Variants in FBXO41 observed in about 807,000 individuals in gnomAD.
The protein encoded by FBXO41 is F-box protein 41.
In FBXO41, 33 loss-of-function variants were observed where a neutral mutation model predicts 81.6. The ratio of observed to expected loss-of-function variants is 0.40; its 90% CI spans 0.31 to 0.54. FBXO41 has a LOEUF of 0.54. Among genes scored for constraint, FBXO41 ranks in the 20% least tolerant of loss-of-function variants. The probability of loss-of-function intolerance (pLI) is 0.39; values close to 1 mark genes in which losing one functional copy is unlikely to be tolerated. For synonymous variants in FBXO41, 576 were observed against 552.7 expected (o/e 1.04, Z -0.59); for missense variants, 1,107 against 1,236.0 (o/e 0.90, Z 1.56).
At position 73,269,412 on chromosome 2, in the gene FBXO41, C is replaced by A; in HGVS notation, c.219G>T (p.Leu73=). ...GFPLAPEPAA[L]LAVPGARREV... ...CTCGCCGGGCGCCGGGCACGGCCAG[C>A]AGGGCGGCGGGCTCGGGAGCCAGCG... Residue 73 remains leucine, a synonymous_variant, in exon 2 of 13, where the codon CTG becomes CTT. Transcript: ENST00000520530. This position sits in a 1 kb window ranked among gnomAD's most constrained non-coding sequence, Gnocchi z 7.0. The A allele has an allele frequency of 7.0e-7, 1 of 1,435,182 alleles. No homozygotes were observed. Among genetic ancestry groups the A allele is most frequent in the South Asian group, 1.4e-5 (1 of 71,382 alleles). 88.9% of individuals were successfully genotyped at this position (1,435,182 alleles called of 1,614,324 possible).
At position 73,266,004 on chromosome 2, in the gene FBXO41, G is replaced by A. The variant is rs139257584; in HGVS notation, c.1132-38C>T. 6.4e-5 allele frequency: 99 copies of A among 1,539,836 alleles called. No individual in the cohort carries two copies. The highest frequency in any genetic ancestry group is 3.0e-4 in the South Asian group (25 of 83,838). On this transcript the variant is annotated intron_variant, in intron 3 of 12. Coordinates refer to ENST00000520530, the MANE Select transcript of FBXO41 (RefSeq NM_001371389.2). The surrounding 1 kb of genome is among the most constrained non-coding windows in gnomAD (Gnocchi z 5.3). ...AGAGCAGGAGGTAAAGGAGAGGGGC[G>A]GAGGAGGCAAGAGGATGAGCAGGAA...
chr2:73,264,151 T>A lies in FBXO41; in HGVS notation c.1807-98A>T, dbSNP rs955585469. 1.1e-5 allele frequency: 17 copies of A among 1,555,840 alleles called. No homozygotes were observed. The African/African-American group carries it at 2.2e-4, about 20-fold the overall frequency. On this transcript the variant is annotated intron_variant, in intron 6 of 12. Coordinates refer to ENST00000520530, the MANE Select transcript of FBXO41 (RefSeq NM_001371389.2). Reference sequence around the variant, plus strand: ...GGATAGAAGGCCCCATGAGAGCATTTCAGGGAAGCCAGGTTGGCATTACAG... The same window carrying A: ...GGATAGAAGGCCCCATGAGAGCATTACAGGGAAGCCAGGTTGGCATTACAG...
rs148018926 is a variant in FBXO41, at chr2:73,260,507, G to A, written c.2331C>T (p.His777=). 639 of 1,601,262 alleles carry A rather than the reference G, an allele frequency of 4.0e-4. 4 individuals are homozygous for A. In the African/African-American group the frequency reaches 6.5e-3, roughly 16 times the overall value. ...CMRLQVLELD[H]VSEITQEVAA... ...CCACCTCCTGGGTGATCTCTGACAC[G>A]TGGTCAAGCTCCAGGACCTGCAGCC... Residue 777 remains histidine (H), a synonymous_variant, in exon 11 of 13, where the codon CAC becomes CAT. Transcript: ENST00000520530. This position sits in a 1 kb window ranked among gnomAD's most constrained non-coding sequence, Gnocchi z 5.0.
rs1688417939 is a variant in FBXO41, at chr2:73,269,511, G to C, written c.120C>G (p.Ile40Met). 1 of 1,367,392 alleles carries C rather than the reference G, an allele frequency of 7.3e-7. No homozygotes were observed. The allele number at this position is 1,367,392 out of a possible 1,614,324, so 84.7% of individuals were successfully genotyped here. The change falls in exon 2 of 13, where the codon ATC becomes ATG. Residue 40 changes from isoleucine (I) to methionine (M), a missense_variant. Ile to Met is a conservative substitution (Grantham distance 10). Transcript: ENST00000520530. This position sits in a 1 kb window ranked among gnomAD's most constrained non-coding sequence, Gnocchi z 7.0. The stretch of plus-strand genomic sequence containing the variant: ...CGCAGATGCTGTTGGTCTTGGAGAG[G>C]ATGTAGAGCGTCTCGTAGGTGTGGC... ...EYSHTYETLY[I>M]LSKTNSICDG...
rs534616895 is a variant in FBXO41 at position 73,282,625 on chromosome 2, C to A, written c.-139+1535G>T. Among the ~76,000 whole-genome samples, 13 of 152,232 alleles carry A rather than the reference C, an allele frequency of 8.5e-5. No homozygotes were observed. The South Asian group carries it at 2.7e-3, about 32-fold the overall frequency. ...GACTGAGGTGGGAGGATTGCTTGGG[C>A]CCGGAAGGTCAAGGCTGCAGTGAGC... On this transcript the variant is annotated intron_variant, in intron 1 of 12. Transcript: ENST00000520530.
Position 73,265,541 on chromosome 2 carries a change from A to T in FBXO41, c.1305T>A (p.Ser435Arg). ...PRPEEGAPED[S>R]GPGGLGTRAQ... ...CCCGTGTGCCCAAGCCCCCAGGGCC[A>T]CTGTCCTCAGGGGCCCCCTCCTCTG... The change falls in exon 5 of 13, where the codon AGT becomes AGA. Residue 435 changes from serine to arginine, a missense_variant. Physicochemically the swap from Ser to Arg is moderately radical, Grantham distance 110 (BLOSUM62 -1). Transcript: ENST00000520530. 6.3e-7 allele frequency: 1 copy of T among 1,594,820 alleles called. No individual in the cohort carries two copies. The highest frequency in any genetic ancestry group is 8.5e-7 in the Non-Finnish European group (1 of 1,171,678).
Position 73,269,103 on chromosome 2 carries a change from G to T in FBXO41, c.528C>A (p.Gly176=), listed in dbSNP as rs1186871752. The T allele has an allele frequency of 6.6e-7, 1 of 1,508,188 alleles. No homozygotes were observed. The highest frequency in any genetic ancestry group is 2.2e-5 in the Admixed American group (1 of 46,284). 93.4% of individuals were successfully genotyped at this position (1,508,188 alleles called of 1,614,324 possible). ...AGGCAGGCCCGGGGCAAGGGCCGGG[G>T]CCGGGGCCAGGCGGCGGCGTCGAGC... ...SACSTPPPGP[G]PGPCPGPASA... Residue 176 remains glycine (G), a synonymous_variant, in exon 2 of 13, where the codon GGC becomes GGA. Coordinates refer to ENST00000520530, the MANE Select transcript of FBXO41 (RefSeq NM_001371389.2). The surrounding 1 kb of genome is among the most constrained non-coding windows in gnomAD (Gnocchi z 7.0).
chr2:73,262,001 T>C (rs1688037054), intron 9 of FBXO41, among the ~76,000 whole-genome samples: 1 of 152,174 alleles, frequency 6.6e-6, no homozygotes, highest in South Asian at 2.1e-4. Flanking sequence ...GGCGGGCAGA[T>C]CACCTGAGGT....
chr2:73,264,616 A>G, intron 5 of FBXO41, 97 bp from the exon 6 acceptor site: 2 of 1,536,698 alleles, frequency 1.3e-6, no homozygotes, highest in South Asian at 1.2e-5. Context: ...CTGCAGAGGA[A>G]TGGACATGCT....
chr2:73,256,725 G>A lies in FBXO41; in HGVS notation c.*2257C>T, dbSNP rs542910529. 1 of 152,458 alleles carries A rather than the reference G, an allele frequency of 6.6e-6. No homozygotes were observed. Among genetic ancestry groups the A allele is most frequent in the Admixed American group, 6.5e-5 (1 of 15,300 alleles). The allele number at this position is 152,458 out of a possible 1,614,324, so 9.4% of individuals were successfully genotyped here. ...AGTACTGTTGCACTAATGAATGAAT[G>A]AGTGAGTGAAACTACAACTAGCATC... On this transcript the variant is annotated 3_prime_UTR_variant, in exon 13 of 13. Coordinates refer to ENST00000520530, the MANE Select transcript of FBXO41 (RefSeq NM_001371389.2).
Position 73,258,730 on chromosome 2 carries a change from T to C in FBXO41, c.*252A>G. 2 of 468,006 alleles carry C rather than the reference T, an allele frequency of 4.3e-6. No individual in the cohort carries two copies. Among genetic ancestry groups the C allele is most frequent in the South Asian group, 1.1e-4 (2 of 18,784 alleles). The allele number at this position is 468,006 out of a possible 1,614,324, so 29.0% of individuals were successfully genotyped here. ...GCTCCTCACTGGCTGTGCCAGAGGC[T>C]ACTCCAGCCGGGGTAGGGTGGGGGT... On this transcript the variant is annotated 3_prime_UTR_variant, in exon 13 of 13. Transcript: ENST00000520530.
intron 1 of FBXO41, among the ~76,000 whole-genome samples, chr2:73,277,020 C>A (rs1311443825): frequency 6.6e-6 from 1 of 152,196 alleles, no homozygotes; most frequent in African/African-American, 2.4e-5. Context: ...AAGTAGCCAG[C>A]CTTCTCCCCA....
chr2:73,260,837 A>G lies in FBXO41; in HGVS notation c.2193T>C (p.Ser731=). 6.4e-7 allele frequency: 1 copy of G among 1,567,334 alleles called. No individual in the cohort carries two copies. The highest frequency in any genetic ancestry group is 8.7e-7 in the Non-Finnish European group (1 of 1,154,934). Residue 731 remains serine (S), a synonymous_variant, in exon 10 of 13, where the codon AGT becomes AGC. Transcript: ENST00000520530. The surrounding 1 kb of genome is among the most constrained non-coding windows in gnomAD (Gnocchi z 5.0). ...LHPCQQPTRF[S]NRCLQMIGRC... is the part of the protein sequence containing the mutation. ...GACCAATCATCTGCAGGCAGCGGTT[A>G]CTGAAGCGTGTGGGCTGCTGGCTGG...
rs1342755345 is a variant in FBXO41, at chr2:73,266,291, T to C, written c.1131+166A>G. ...CAGCCTCGGGGGCTGGCACTGGCAC[T>C]CCTGCCCAATCAAAGGGGCTCCCCT... On this transcript the variant is annotated intron_variant, in intron 3 of 12. Transcript: ENST00000520530. The surrounding 1 kb of genome is among the most constrained non-coding windows in gnomAD (Gnocchi z 5.3). 6.6e-6 allele frequency among the ~76,000 whole-genome samples: 1 copy of C among 152,102 alleles called. No individual in the cohort carries two copies. Among genetic ancestry groups the C allele is most frequent in the Non-Finnish European group, 1.5e-5 (1 of 68,006 alleles).
rs1258802080 is a variant in FBXO41 at position 73,263,703 on chromosome 2, G to A, written c.2050C>T (p.Arg684Cys). 2.5e-6 allele frequency: 4 copies of A among 1,613,740 alleles called. No homozygotes were observed. Among genetic ancestry groups the A allele is most frequent in the South Asian group, 1.1e-5 (1 of 91,080 alleles). ...RSLWLASCYC[R>C]ALQAVTYRSA... ...CTGTACGTGACAGCCTGCAGGGCAC[G>A]GCAGTAGCAGCTGGCCAGCCAGAGC... is the stretch of plus-strand genomic sequence containing the variant. The change falls in exon 8 of 13, where the codon CGT (arginine) becomes TGT (cysteine). Residue 684 changes from arginine (R) to cysteine (C), a missense_variant. This residue lies in a region of FBXO41 where 336 missense variants were observed against 446.7 expected (regional missense o/e 0.75). Coordinates refer to ENST00000520530, the MANE Select transcript of FBXO41 (RefSeq NM_001371389.2).
intron 1 of FBXO41, chr2:73,272,359 A>C (rs1688531053): frequency 6.6e-6 from 1 of 152,256 alleles, no homozygotes; most frequent in South Asian, 2.1e-4. Flanking sequence ...TTCTGCCTGC[A>C]GCCAGTAATT....
At position 73,266,780 on chromosome 2, in the gene FBXO41, C is replaced by T. The variant is rs1423814869; in HGVS notation, c.906-98G>A. 4.2e-6 allele frequency: 6 copies of T among 1,430,214 alleles called. No homozygotes were observed. The highest frequency in any genetic ancestry group is 5.5e-6 in the Non-Finnish European group (6 of 1,098,558). 88.6% of individuals were successfully genotyped at this position (1,430,214 alleles called of 1,614,324 possible). A position where few individuals can be genotyped will look rare whatever the true frequency, so the allele number is the denominator to read the frequency against. ...CCAGTGCGGGGAGACACTGGCACAGCTGCCTGCGGTGTCTGCTTATGGTCA... is the reference window on the plus strand; with the variant it reads ...CCAGTGCGGGGAGACACTGGCACAGTTGCCTGCGGTGTCTGCTTATGGTCA... On this transcript the variant is annotated intron_variant, in intron 2 of 12. Coordinates refer to ENST00000520530, the MANE Select transcript of FBXO41 (RefSeq NM_001371389.2). The surrounding 1 kb of genome is among the most constrained non-coding windows in gnomAD (Gnocchi z 5.3).
rs1313527814 is a variant in FBXO41 at position 73,258,429 on chromosome 2, C to T, written c.*553G>A. The T allele has an allele frequency of 6.6e-6, 1 of 152,516 alleles. No individual in the cohort carries two copies. Among genetic ancestry groups the T allele is most frequent in the East Asian group, 1.9e-4 (1 of 5,184 alleles). The allele number at this position is 152,516 out of a possible 1,614,324, so 9.4% of individuals were successfully genotyped here. Reference sequence around the variant, plus strand: ...TTTTGGCTGACCACGTGCCCAGGCCCCTAGGTCTGGCTGTGGTACCCCCAG... The same window carrying T: ...TTTTGGCTGACCACGTGCCCAGGCCTCTAGGTCTGGCTGTGGTACCCCCAG... On this transcript the variant is annotated 3_prime_UTR_variant, in exon 13 of 13. Transcript: ENST00000520530.
intron 1 of FBXO41, among the ~76,000 whole-genome samples, chr2:73,276,603 AGGGAGAGAGGGAGAGAGG>A (rs147120497): frequency 0.02 from 1,703 of 83,778 alleles, 110 homozygotes; most frequent in African/African-American, 0.069. Flanking sequence ...AGAGAGAGAG[AGGGAGAGAGGGAGAGAGG>A]GAGAGAATGC....
Sources: allele counts gnomAD v4.1 joint callset (sites outside exome capture counted in the v4.1 genomes callset), GRCh38; gene constraint gnomAD v4.1.1; regional missense constraint gnomAD v4.1.1; non-coding constraint Gnocchi (gnomAD v3.1); transcripts MANE v1.5; gene names NCBI Gene and HGNC (gene_info 2026-07-23, HGNC 2026-07-21).